The following RIPOR3 variants were observed in gnomAD, a reference collection of about 807,000 sequenced individuals.
RIPOR3 encodes RIPOR family member 3, also known as family with sequence similarity 65 member C.
A neutral mutation model predicts 114.3 loss-of-function variants in RIPOR3; 95 were observed. The ratio of observed to expected loss-of-function variants is 0.83; its 90% CI spans 0.70 to 0.99. The LOEUF (loss-of-function observed/expected upper bound fraction) is 0.99. RIPOR3 is among the 50% of genes least tolerant of loss of function. The pLI is 0.00. For missense variants in RIPOR3, 1,252 were observed against 1,266.9 expected, an observed-to-expected ratio of 0.99 and a Z score of 0.18; for synonymous variants, 575 against 543.8, an observed-to-expected ratio of 1.06 and a Z score of -0.80.
chr20:50,683,674 A>C (rs113375923), intron 1 of RIPOR3, among the ~76,000 whole-genome samples: 8,980 of 151,764 alleles, frequency 0.059, 335 homozygotes, highest in South Asian at 0.12. Context: ...TCAGACTGGT[A>C]TCAAACTCCT....
chr20:50,621,680 C>A (rs987966407), intron 2 of RIPOR3, among the ~76,000 whole-genome samples: 1 of 152,090 alleles, frequency 6.6e-6, no homozygotes, highest in Non-Finnish European at 1.5e-5. Context: ...AAACTGGGGC[C>A]AACACAGAGA....
chr20:50,690,793 C>T (rs985566961), intron 1 of RIPOR3, among the ~76,000 whole-genome samples: 18 of 152,074 alleles, frequency 1.2e-4, no homozygotes, highest in Admixed American at 4.6e-4. Context: ...TTTCCCGAGC[C>T]GACGCTTCAA....
Position 50,610,885 on chromosome 20 carries a change from G to C in RIPOR3, c.394C>G (p.His132Asp), listed in dbSNP as rs557088957. The change falls in exon 6 of 22, where the codon CAC becomes GAC. Residue 132 changes from histidine to aspartate, a missense_variant. Coordinates refer to ENST00000327979, the MANE Select transcript of RIPOR3 (RefSeq NM_001290268.2). ...LDKQTRCVER[H>D]IRKMEFHISK... is the part of the protein sequence containing the mutation. ...ATGTGAAACTCCATCTTCCGAATGTGCCTTTCCACACAGCGCGTTTGCTTC... is the reference window on the plus strand; with the variant it reads ...ATGTGAAACTCCATCTTCCGAATGTCCCTTTCCACACAGCGCGTTTGCTTC... 1 of 1,614,198 alleles carries C rather than the reference G, an allele frequency of 6.2e-7. No individual in the cohort carries two copies. The highest frequency in any genetic ancestry group is 1.1e-5 in the South Asian group (1 of 91,082).
intron 1 of RIPOR3, among the ~76,000 whole-genome samples, chr20:50,666,578 T>C (rs1261532967): frequency 6.7e-6 from 1 of 150,338 alleles, no homozygotes; most frequent in Non-Finnish European, 1.5e-5. Flanking sequence ...GTTTGTTGTT[T>C]TTTTGAGACG....
rs143185120 is a variant in RIPOR3 at position 50,684,365 on chromosome 20, C to T, written c.3+6761G>A. 8.0e-3 allele frequency among the ~76,000 whole-genome samples: 1,212 copies of T among 152,230 alleles called. 22 individuals carry two copies. Among genetic ancestry groups the T allele is most frequent in the African/African-American group, 0.027 (1,118 of 41,536 alleles). On this transcript the variant is annotated intron_variant, in intron 1 of 21. Transcript: ENST00000327979. ...ATGAGCACCCAGGCATAGAGAAAAGCGATTGCAAAGGTCCTGGGGCAGGAC... is the reference window on the plus strand; with the variant it reads ...ATGAGCACCCAGGCATAGAGAAAAGTGATTGCAAAGGTCCTGGGGCAGGAC...
chr20:50,617,186 G>T (rs532757214), intron 3 of RIPOR3, among the ~76,000 whole-genome samples: 62 of 152,164 alleles, frequency 4.1e-4, no homozygotes, highest in African/African-American at 1.4e-3. Flanking sequence ...GCCAAGGCAG[G>T]GAGTCCCATC....
At chr20:50,679,542 G>A (rs1302324057) in intron 1 of RIPOR3, among the ~76,000 whole-genome samples, 1 of 149,358 alleles carries the variant, frequency 6.7e-6, no homozygotes. Flanking sequence ...CAGATCACAA[G>A]GTCAGGAGAT....
intron 1 of RIPOR3, among the ~76,000 whole-genome samples, chr20:50,660,879 C>T (rs188291467): frequency 6.6e-6 from 1 of 151,376 alleles, no homozygotes; most frequent in Non-Finnish European, 1.5e-5. Context: ...CTCAGCACCC[C>T]CCACCTATGC....
At chr20:50,690,868 C>CT (rs1258911895) in intron 1 of RIPOR3, among the ~76,000 whole-genome samples, 1 of 152,222 alleles carries the variant, frequency 6.6e-6, no homozygotes, top group African/African-American at 2.4e-5. Context: ...ATGAGAATCT[C>CT]TTAAAGATCA....
chr20:50,654,917 G>A (rs1316279310), intron 1 of RIPOR3, among the ~76,000 whole-genome samples: 1 of 152,052 alleles, frequency 6.6e-6, no homozygotes, highest in Non-Finnish European at 1.5e-5. Flanking sequence ...GCTACTTTTT[G>A]TATTTTTAGT....
chr20:50,637,474 C>T (rs1305227577), intron 1 of RIPOR3, among the ~76,000 whole-genome samples: 3 of 152,196 alleles, frequency 2.0e-5, no homozygotes, highest in African/African-American at 7.2e-5. Flanking sequence ...CTTCAAATAA[C>T]TCATGGTTCT....
intron 2 of RIPOR3, among the ~76,000 whole-genome samples, chr20:50,621,426 T>A (rs1376286161): frequency 1.3e-5 from 2 of 152,148 alleles, no homozygotes; most frequent in Non-Finnish European, 2.9e-5. Flanking sequence ...CTAATCAACA[T>A]GCACACACAC....
intron 1 of RIPOR3, among the ~76,000 whole-genome samples, chr20:50,653,547 T>C (rs1307059937): frequency 1.3e-5 from 2 of 151,590 alleles, no homozygotes; most frequent in Non-Finnish European, 2.9e-5. Flanking sequence ...GCGATTTTCC[T>C]GCCTCAGCCT....
chr20:50,592,250 G>T, intron 19 of RIPOR3, 94 bp downstream of exon 19: 1 of 1,297,402 alleles, frequency 7.7e-7, no homozygotes, highest in Non-Finnish European at 1.0e-6. Flanking sequence ...GCAGCCCCTG[G>T]CACTCACTTC....
rs765056807 is a variant in RIPOR3 at position 50,597,611 on chromosome 20, G to T, written c.1759C>A (p.Leu587Met). ...CCCTGGGAGCCCCCAAACAGGGACA[G>T]CTCATCCAGGGCGAAGTCGGCATTG... ...FLNADFALDE[L>M]SLFGGSQGLR... The change falls in exon 14 of 22, where the codon CTG (leucine) becomes ATG (methionine). Residue 587 changes from leucine to methionine, a missense_variant. Transcript: ENST00000327979. The T allele has an allele frequency of 1.2e-6, 2 of 1,610,418 alleles. No homozygotes were observed. Among genetic ancestry groups the T allele is most frequent in the South Asian group, 2.2e-5 (2 of 90,296 alleles).
intron 16 of RIPOR3, 104 bp downstream of exon 16, chr20:50,595,265 C>T (rs1271648590): frequency 2.4e-5 from 35 of 1,461,038 alleles, no homozygotes; most frequent in Middle Eastern, 2.5e-4. Flanking sequence ...CTCTGGGCCC[C>T]GATTAACTCT....
chr20:50,609,241 A>G, intron 8 of RIPOR3, 52 bp downstream of exon 8: 1 of 1,590,512 alleles, frequency 6.3e-7, no homozygotes, highest in Non-Finnish European at 8.6e-7. Context: ...CCTCAGCAGA[A>G]GTCTCAGGGC....
chr20:50,673,196 C>T (rs1344353024), intron 1 of RIPOR3, among the ~76,000 whole-genome samples: 1 of 152,202 alleles, frequency 6.6e-6, no homozygotes, highest in African/African-American at 2.4e-5. Flanking sequence ...GATACCATCA[C>T]CACCATGACA....
chr20:50,599,676 G>A (rs2083429756), intron 13 of RIPOR3, among the ~76,000 whole-genome samples: 1 of 152,236 alleles, frequency 6.6e-6, no homozygotes, highest in East Asian at 1.9e-4. Flanking sequence ...GAAACAGGAA[G>A]GCAAAGCATT....
Sources: allele counts gnomAD v4.1 joint callset (sites outside exome capture counted in the v4.1 genomes callset), GRCh38; gene constraint gnomAD v4.1.1; transcripts MANE v1.5; gene names NCBI Gene and HGNC (gene_info 2026-07-23, HGNC 2026-07-21).